GALNT10: variants seen among roughly 807,000 people sequenced by gnomAD.
The protein encoded by GALNT10 is GalNAc transferase 10.
Under a neutral mutation model 75.0 loss-of-function variants are expected in GALNT10, and 41 were observed. That is an observed-to-expected ratio of 0.55 (90% confidence interval 0.43 to 0.71). GALNT10 has a LOEUF of 0.71. Among genes scored for constraint, GALNT10 ranks in the 30% least tolerant of loss-of-function variants. The pLI, the probability that GALNT10 is intolerant of heterozygous loss-of-function variation, is 0.00. For missense variants in GALNT10, 727 were observed against 818.5 expected, an observed-to-expected ratio of 0.89 and a Z score of 1.36; for synonymous variants, 302 against 313.0, an observed-to-expected ratio of 0.96 and a Z score of 0.37.
chr5:154,417,564 TG>T lies in GALNT10; in HGVS notation c.*596del, dbSNP rs1360062860. Reference sequence around the variant, plus strand: ...ATTTGGTCCGGTCAAAGGCCATACTTGGGGCCCTAAGAGTGTTCAGTATTGA... The same window carrying T: ...ATTTGGTCCGGTCAAAGGCCATACTTGGGCCCTAAGAGTGTTCAGTATTGA... On this transcript the variant is annotated 3_prime_UTR_variant, in exon 12 of 12. Coordinates refer to ENST00000297107, the MANE Select transcript of GALNT10 (RefSeq NM_198321.4). 1.0e-4 allele frequency: 16 copies of T among 153,544 alleles called. No individual in the cohort carries two copies. Among genetic ancestry groups the T allele is most frequent in the Admixed American group, 7.7e-4 (12 of 15,518 alleles). The allele number at this position is 153,544 out of a possible 1,614,324, so 9.5% of individuals were successfully genotyped here. A position where few individuals can be genotyped will look rare whatever the true frequency, so the allele number is the denominator to read the frequency against.
At position 154,416,985 on chromosome 5, in the gene GALNT10, C is replaced by A; in HGVS notation, c.*13C>A. On this transcript the variant is annotated 3_prime_UTR_variant, in exon 12 of 12. Coordinates refer to ENST00000297107, the MANE Select transcript of GALNT10 (RefSeq NM_198321.4). This position sits in a 1 kb window ranked among gnomAD's most constrained non-coding sequence, Gnocchi z 4.5. The stretch of plus-strand genomic sequence containing the variant: ...CAATAGGAACTGAGCCCTCATGTCC[C>A]CTTGGCAGGCCCCCCAGGGTCTGGC... 6.2e-7 allele frequency: 1 copy of A among 1,613,354 alleles called. No homozygotes were observed. The highest frequency in any genetic ancestry group is 8.5e-7 in the Non-Finnish European group (1 of 1,179,368).
intron 3 of GALNT10, among the ~76,000 whole-genome samples, chr5:154,304,759 G>A (rs1000582491): frequency 3.9e-5 from 6 of 152,170 alleles, no homozygotes; most frequent in African/African-American, 1.2e-4. Context: ...AAAATAAAAT[G>A]TGTGCCAACA....
intron 7 of GALNT10, 151 bp from the exon 8 acceptor site, chr5:154,403,953 T>A (rs995880923): frequency 1.4e-6 from 1 of 713,728 alleles, no homozygotes; most frequent in Non-Finnish European, 2.6e-6. Flanking sequence ...ATTATATTAC[T>A]GTGTTTTCCC....
intron 1 of GALNT10, among the ~76,000 whole-genome samples, chr5:154,293,613 A>ATATATATATTTTTTTTTTTTTTTTTTT: frequency 4.6e-5 from 5 of 109,354 alleles, no homozygotes; most frequent in African/African-American, 2.1e-4. Context: ...ATATATATAT[A>ATATATATATTTTTTTTTTTTTTTTTTT]TTTTTTTTTT....
chr5:154,213,918 C>G (rs1752821950), intron 1 of GALNT10, among the ~76,000 whole-genome samples: 1 of 152,136 alleles, frequency 6.6e-6, no homozygotes, highest in Admixed American at 6.5e-5. Flanking sequence ...CTAAATCTTT[C>G]TGGGCCCCAA....
intron 3 of GALNT10, among the ~76,000 whole-genome samples, chr5:154,308,046 A>G (rs931337286): frequency 2.6e-5 from 3 of 115,256 alleles, no homozygotes; most frequent in Non-Finnish European, 5.9e-5. Context: ...TCTATCTGGT[A>G]TCTTTTTTTT....
intron 4 of GALNT10, among the ~76,000 whole-genome samples, chr5:154,344,205 CTTTCT>C (rs760435207): frequency 5.0e-5 from 5 of 99,428 alleles, no homozygotes; most frequent in African/African-American, 8.7e-5. Context: ...TTCTTTCTTT[CTTTCT>C]TTTTTTTTTT....
chr5:154,354,037 C>T (rs1305944698), intron 4 of GALNT10, among the ~76,000 whole-genome samples: 1 of 152,184 alleles, frequency 6.6e-6, no homozygotes, highest in Non-Finnish European at 1.5e-5. Flanking sequence ...GTACTTGAAT[C>T]GCAACCCACC....
chr5:154,210,002 T>A (rs1360262171), intron 1 of GALNT10, among the ~76,000 whole-genome samples: 1 of 152,058 alleles, frequency 6.6e-6, no homozygotes, highest in Non-Finnish European at 1.5e-5. Context: ...CTAAATGAGT[T>A]ATTTTTTTAA....
intron 7 of GALNT10, among the ~76,000 whole-genome samples, chr5:154,398,430 C>A (rs1236789865): frequency 1.3e-5 from 2 of 152,234 alleles, no homozygotes; most frequent in African/African-American, 4.8e-5. Context: ...TTGTCCCCAG[C>A]TGGACTCTGC....
intron 1 of GALNT10, among the ~76,000 whole-genome samples, chr5:154,244,970 G>T (rs1753397767): frequency 6.6e-6 from 1 of 152,206 alleles, no homozygotes. Context: ...TGGGGGTGCT[G>T]ATCACCAGGG....
At chr5:154,273,650 G>A (rs1167775257) in intron 1 of GALNT10, among the ~76,000 whole-genome samples, 1 of 152,184 alleles carries the variant, frequency 6.6e-6, no homozygotes, top group Non-Finnish European at 1.5e-5. Context: ...TCTAGGGGGT[G>A]AGAGTAAGGG....
intron 7 of GALNT10, 161 bp downstream of exon 7, chr5:154,386,591 C>G: frequency 7.6e-6 from 2 of 261,902 alleles, no homozygotes; most frequent in East Asian, 1.1e-4. Context: ...ATGGGCCACT[C>G]TTTGTTGTGG....
intron 1 of GALNT10, among the ~76,000 whole-genome samples, chr5:154,284,970 C>T (rs1437627826): frequency 6.6e-6 from 1 of 151,980 alleles, no homozygotes; most frequent in Non-Finnish European, 1.5e-5. Flanking sequence ...TATAATAAAC[C>T]CACCACTTAA....
intron 10 of GALNT10, among the ~76,000 whole-genome samples, 164 bp downstream of exon 10, chr5:154,413,169 G>A (rs1214269768): frequency 6.6e-6 from 1 of 152,200 alleles, no homozygotes; most frequent in East Asian, 1.9e-4. Flanking sequence ...GTGGAAAGGG[G>A]ATTCCTTCAC....
chr5:154,344,827 G>A (rs1197299146), intron 4 of GALNT10, among the ~76,000 whole-genome samples: 1 of 152,194 alleles, frequency 6.6e-6, no homozygotes, highest in African/African-American at 2.4e-5. Flanking sequence ...ACATTTTAGA[G>A]ATGAGAATAT....
chr5:154,269,081 G>A (rs1312576015), intron 1 of GALNT10, among the ~76,000 whole-genome samples: 1 of 90,844 alleles, frequency 1.1e-5, no homozygotes, highest in Admixed American at 8.6e-5. Flanking sequence ...CACTTCCCGG[G>A]TTCAGGTGAT....
chr5:154,224,758 T>G (rs1753034323), intron 1 of GALNT10, among the ~76,000 whole-genome samples: 1 of 151,496 alleles, frequency 6.6e-6, no homozygotes, highest in Non-Finnish European at 1.5e-5. Context: ...ACACAGTCTC[T>G]GTCTACAAGA....
chr5:154,224,311 C>T (rs1753028195), intron 1 of GALNT10, among the ~76,000 whole-genome samples: 1 of 152,212 alleles, frequency 6.6e-6, no homozygotes, highest in Admixed American at 6.5e-5. Flanking sequence ...AGGATAAATA[C>T]ATAATCCAAA....
Sources: allele counts gnomAD v4.1 joint callset (sites outside exome capture counted in the v4.1 genomes callset), GRCh38; gene constraint gnomAD v4.1.1; non-coding constraint Gnocchi (gnomAD v3.1); transcripts MANE v1.5; gene names NCBI Gene and HGNC (gene_info 2026-07-23, HGNC 2026-07-21).